Variants in NPR1 observed in about 807,000 individuals in gnomAD.
NPR1 encodes atrial natriuretic peptide receptor 1.
A neutral mutation model predicts 116.9 loss-of-function variants in NPR1; 57 were observed. That is an observed-to-expected ratio of 0.49 (90% CI 0.39 to 0.61). The LOEUF (loss-of-function observed/expected upper bound fraction) is 0.61. Ranked by LOEUF, NPR1 falls within the 20% of genes least tolerant of loss-of-function variation. The pLI is 0.00. For missense variants in NPR1, 1,096 were observed against 1,409.8 expected (o/e 0.78, Z 3.56); for synonymous variants, 555 against 601.6 (o/e 0.92, Z 1.13).
In NPR1 at chr1:153,679,141, C is replaced by T. The variant is rs1281312830; in HGVS notation, c.33C>T (p.Arg11=). The T allele has an allele frequency of 6.8e-7, 1 of 1,464,378 alleles. No individual in the cohort carries two copies. Among genetic ancestry groups the T allele is most frequent in the East Asian group, 2.8e-5 (1 of 35,548 alleles). The allele number at this position is 1,464,378 out of a possible 1,614,324, so 90.7% of individuals were successfully genotyped here. The stretch of plus-strand genomic sequence containing the variant: ...GGCCCCGGCGCCCCGCTGGCTCCCG[C>T]CTGCGCCTGCTCCTGCTCCTGCTGC... The part of the protein sequence containing the change: MPGPRRPAGS[R]LRLLLLLLLP... Residue 11 remains arginine (R), a synonymous_variant, in exon 1 of 22, where the codon CGC becomes CGT. Transcript: ENST00000368680. The surrounding 1 kb of genome is among the most constrained non-coding windows in gnomAD (Gnocchi z 4.2).
chr1:153,687,459 G>A lies in NPR1; in HGVS notation c.2092+103G>A. ...CTTGGGCATGCTTGTCCTGACTCCA[G>A]CCTCAATTCATTCACCCATGAAAAA... On this transcript the variant is annotated intron_variant, in intron 13 of 21. Transcript: ENST00000368680. The A allele has an allele frequency of 1.2e-5, 18 of 1,504,956 alleles. No individual in the cohort carries two copies. The South Asian group carries it at 2.0e-4, about 16-fold the overall frequency. The allele number at this position is 1,504,956 out of a possible 1,614,324, so 93.2% of individuals were successfully genotyped here. A position where few individuals can be genotyped will look rare whatever the true frequency, so the allele number is the denominator to read the frequency against.
Position 153,689,601 on chromosome 1 carries a change from G to A in NPR1, c.2757+80G>A, listed in dbSNP as rs1277276024. The A allele has an allele frequency of 3.5e-6, 5 of 1,418,756 alleles. No individual in the cohort carries two copies. The highest frequency in any genetic ancestry group is 3.5e-5 in the South Asian group (3 of 86,862). 87.9% of individuals were successfully genotyped at this position (1,418,756 alleles called of 1,614,324 possible). A position where few individuals can be genotyped will look rare whatever the true frequency, so the allele number is the denominator to read the frequency against. On this transcript the variant is annotated intron_variant, in intron 18 of 21. Transcript: ENST00000368680. The surrounding 1 kb of genome is among the most constrained non-coding windows in gnomAD (Gnocchi z 5.1). ...AAAGATGAGGGGTAGGCAGAATGAT[G>A]TGGAGTCTTAAGAGAGGAGATCGGG...
rs560871763 is a variant in NPR1 at position 153,685,323 on chromosome 1, TA to T, written c.1605+252del. 2.0e-3 allele frequency among the ~76,000 whole-genome samples: 279 copies of T among 142,432 alleles called. 2 individuals carry two copies. Among genetic ancestry groups the T allele is most frequent in the East Asian group, 0.013 (63 of 4,952 alleles). 93.4% of individuals were successfully genotyped at this position (142,432 alleles called of 152,430 possible). ...GGAGATAGTACCTGTGAAAACACTT[TA>T]AAAAAAAAAAAAGTAAATGAGGAGG... On this transcript the variant is annotated intron_variant, in intron 8 of 21. Coordinates refer to ENST00000368680, the MANE Select transcript of NPR1 (RefSeq NM_000906.4).
chr1:153,680,761 T>A, intron 2 of NPR1, 61 bp downstream of exon 2: 1 of 1,369,424 alleles, frequency 7.3e-7, no homozygotes, highest in Non-Finnish European at 1.0e-6. Context: ...TTCTGGGCAC[T>A]GTGTCCCTCA....
At chr1:153,683,590 T>C in intron 6 of NPR1, 79 bp downstream of exon 6, 2 of 1,585,814 alleles carry the variant, frequency 1.3e-6, no homozygotes, top group South Asian at 1.1e-5. Flanking sequence ...TAGGTGCTCC[T>C]GTCCCATGCT....
intron 19 of NPR1, 88 bp downstream of exon 19, chr1:153,690,068 ATCTCTCTCTCTCTCTCTCTCTCTCTC>A (rs1189924933): frequency 1.6e-6 from 1 of 643,918 alleles, no homozygotes. Context: ...TCGCCCTTTC[ATCTCTCTCTCTCTCTCTCTCTCTCTC>A]TCTCTCTCTC....
chr1:153,689,029 G>A lies in NPR1; in HGVS notation c.2494G>A (p.Glu832Lys). 2 of 1,614,220 alleles carry A rather than the reference G, an allele frequency of 1.2e-6. No individual in the cohort carries two copies. The highest frequency in any genetic ancestry group is 1.7e-6 in the Non-Finnish European group (2 of 1,180,042). ...CGCGAACAATCTGGAGGAACTGGTG[G>A]AGGAGCGGACCCAGGCATACCTGGA... Reference protein sequence around the residue: ...QYANNLEELVEERTQAYLEEK... With the variant: ...QYANNLEELVKERTQAYLEEK... The change falls in exon 16 of 22, where the codon GAG becomes AAG. Residue 832 changes from glutamate to lysine, a missense_variant. Physicochemically the swap from Glu to Lys is moderately conservative, Grantham distance 56. Coordinates refer to ENST00000368680, the MANE Select transcript of NPR1 (RefSeq NM_000906.4). The surrounding 1 kb of genome is among the most constrained non-coding windows in gnomAD (Gnocchi z 5.1).
At chr1:153,680,248 C>G (rs1296674939) in intron 1 of NPR1, among the ~76,000 whole-genome samples, 1 of 150,980 alleles carries the variant, frequency 6.6e-6, no homozygotes, top group Non-Finnish European at 1.5e-5. Context: ...CCACTATCCC[C>G]CTCTCCCTAC....
At position 153,686,146 on chromosome 1, in the gene NPR1, T is replaced by A; in HGVS notation, c.1704T>A (p.Arg568=). The change falls in exon 10 of 22, where the codon CGT becomes CGA. Residue 568 remains arginine (R), a synonymous_variant. Coordinates refer to ENST00000368680, the MANE Select transcript of NPR1 (RefSeq NM_000906.4). The part of the protein sequence containing the change: ...YYKGNLVAVK[R]VNRKRIELTR... Reference sequence around the variant, plus strand: ...AGGGCAACCTCGTGGCTGTGAAACGTGTGAACCGTAAACGCATTGAGCTGA... The same window carrying A: ...AGGGCAACCTCGTGGCTGTGAAACGAGTGAACCGTAAACGCATTGAGCTGA... 6.2e-7 allele frequency: 1 copy of A among 1,614,084 alleles called. No homozygotes were observed.
intron 8 of NPR1, 119 bp downstream of exon 8, chr1:153,685,203 G>T: frequency 2.9e-6 from 4 of 1,368,896 alleles, no homozygotes; most frequent in Non-Finnish European, 3.9e-6. Context: ...CACTTGCTGT[G>T]TGACCTTGAG....
chr1:153,691,462 A>G (rs979324716), intron 20 of NPR1, among the ~76,000 whole-genome samples: 1 of 152,146 alleles, frequency 6.6e-6, no homozygotes, highest in Non-Finnish European at 1.5e-5. Flanking sequence ...TCTAAACCTT[A>G]TGGTGAAAGA....
intron 7 of NPR1, among the ~76,000 whole-genome samples, chr1:153,684,699 C>G (rs1463443143): frequency 6.6e-6 from 1 of 152,118 alleles, no homozygotes; most frequent in African/African-American, 2.4e-5. Context: ...CTCATGTTCA[C>G]TATTTCTTTT....
At chr1:153,686,309 G>A in intron 10 of NPR1, 109 bp downstream of exon 10, 1 of 1,052,484 alleles carries the variant, frequency 9.5e-7, no homozygotes, top group South Asian at 1.3e-5. Flanking sequence ...CCAAGAAAGG[G>A]GCAGGGACTG....
chr1:153,679,924 A>G lies in NPR1; in HGVS notation c.721+95A>G. On this transcript the variant is annotated intron_variant, in intron 1 of 21. Coordinates refer to ENST00000368680, the MANE Select transcript of NPR1 (RefSeq NM_000906.4). The surrounding 1 kb of genome is among the most constrained non-coding windows in gnomAD (Gnocchi z 4.2). ...GGGACTTTCTCTCTCATCTGGGGGC[A>G]CTCTTCTTTCTCCTCGCCGTTCTTC... is the stretch of plus-strand genomic sequence containing the variant. The G allele has an allele frequency of 6.9e-7, 1 of 1,441,536 alleles. No homozygotes were observed. The highest frequency in any genetic ancestry group is 9.2e-7 in the Non-Finnish European group (1 of 1,089,770). 89.3% of individuals were successfully genotyped at this position (1,441,536 alleles called of 1,614,324 possible).
At position 153,689,107 on chromosome 1, in the gene NPR1, C is replaced by A. The variant is rs773632765; in HGVS notation, c.2564+8C>A. On this transcript the variant is annotated splice_region_variant and intron_variant, in intron 16 of 21. Coordinates refer to ENST00000368680, the MANE Select transcript of NPR1 (RefSeq NM_000906.4). This position sits in a 1 kb window ranked among gnomAD's most constrained non-coding sequence, Gnocchi z 5.1. ...CTACCAGATCCTGCCTCAGTGAGTG[C>A]CTGAGTCTGGGGACCCCCCCCAACA... The A allele has an allele frequency of 4.3e-6, 7 of 1,614,022 alleles. No homozygotes were observed. The highest frequency in any genetic ancestry group is 3.3e-5 in the Admixed American group (2 of 60,004).
At chr1:153,680,261 G>A (rs1303399039) in intron 1 of NPR1, among the ~76,000 whole-genome samples, 1 of 123,454 alleles carries the variant, frequency 8.1e-6, no homozygotes, top group Non-Finnish European at 1.7e-5. Context: ...CTCCCTACCC[G>A]TTCCTTCCTC....
chr1:153,685,066 C>A lies in NPR1; in HGVS notation c.1587C>A (p.Ser529Arg). The A allele has an allele frequency of 1.2e-6, 2 of 1,613,870 alleles. No homozygotes were observed. Among genetic ancestry groups the A allele is most frequent in the South Asian group, 1.1e-5 (1 of 91,054 alleles). Residue 529 changes from serine (S) to arginine (R), a missense_variant, in exon 8 of 22, where the codon AGC (serine) becomes AGA (arginine). Physicochemically the swap from Ser to Arg is moderately radical, Grantham distance 110. Coordinates refer to ENST00000368680, the MANE Select transcript of NPR1 (RefSeq NM_000906.4). ...SLERHLRSAGSRLTLSGRGSN... is the reference protein window; with the variant it reads ...SLERHLRSAGRRLTLSGRGSN... ...AGAGGCACCTGCGGAGTGCAGGCAGCCGGCTGACCCTGAGCGGGGTAAGAA... is the reference window on the plus strand; with the variant it reads ...AGAGGCACCTGCGGAGTGCAGGCAGACGGCTGACCCTGAGCGGGGTAAGAA...
intron 7 of NPR1, among the ~76,000 whole-genome samples, chr1:153,684,386 C>CTTT (rs58272090): frequency 0.01 from 900 of 89,032 alleles, 3 homozygotes; most frequent in East Asian, 0.022. Context: ...TTCTTTCTTT[C>CTTT]TTTTTTTTTT....
chr1:153,685,251 G>T (rs149749490), intron 8 of NPR1, among the ~76,000 whole-genome samples, 167 bp downstream of exon 8: 8 of 152,132 alleles, frequency 5.3e-5, no homozygotes, highest in African/African-American at 1.9e-4. Context: ...CTCAGATGAT[G>T]ATTACAGCAG....
Sources: allele counts gnomAD v4.1 joint callset (sites outside exome capture counted in the v4.1 genomes callset), GRCh38; gene constraint gnomAD v4.1.1; non-coding constraint Gnocchi (gnomAD v3.1); transcripts MANE v1.5; gene names NCBI Gene and HGNC (gene_info 2026-07-23, HGNC 2026-07-21).